Variants in NTNG2 observed in about 807,000 individuals in gnomAD.
NTNG2 encodes the protein netrin-G2.
A neutral mutation model predicts 47.6 loss-of-function variants in NTNG2; 15 were observed. The ratio of observed to expected loss-of-function variants is 0.32; its 90% CI spans 0.21 to 0.49. The LOEUF (loss-of-function observed/expected upper bound fraction) is 0.49, where lower values mean the gene tolerates loss of function less well. Among genes scored for constraint, NTNG2 ranks in the 20% least tolerant of loss-of-function variants. The probability of loss-of-function intolerance (pLI) is 0.99; values close to 1 mark genes in which losing one functional copy is unlikely to be tolerated. For synonymous variants in NTNG2, 307 were observed against 324.6 expected, an observed-to-expected ratio of 0.95 and a Z score of 0.58; for missense variants, 578 against 764.6, an observed-to-expected ratio of 0.76 and a Z score of 2.88.
chr9:132,209,296 C>T (rs889709166), intron 3 of NTNG2, among the ~76,000 whole-genome samples: 1 of 152,222 alleles, frequency 6.6e-6, no homozygotes, highest in Non-Finnish European at 1.5e-5. Context: ...GGAAGCCTGA[C>T]TTCTATTTTG....
rs1352697238 is a variant in NTNG2 at position 132,236,776 on chromosome 9, C to G, written c.1055-2328C>G. 1.3e-5 allele frequency among the ~76,000 whole-genome samples: 2 copies of G among 152,220 alleles called. No individual in the cohort carries two copies. The highest frequency in any genetic ancestry group is 2.9e-5 in the Non-Finnish European group (2 of 68,042). ...GACGATCCCGGGACAGTGGCCTGCTCACCCACAGATAGGGCGTTGGGGTCC... is the reference window on the plus strand; with the variant it reads ...GACGATCCCGGGACAGTGGCCTGCTGACCCACAGATAGGGCGTTGGGGTCC... On this transcript the variant is annotated intron_variant, in intron 5 of 7. Transcript: ENST00000393229. The surrounding 1 kb of genome is among the most constrained non-coding windows in gnomAD (Gnocchi z 4.3).
chr9:132,194,591 C>T (rs981921321), intron 2 of NTNG2, among the ~76,000 whole-genome samples: 2 of 152,244 alleles, frequency 1.3e-5, no homozygotes, highest in African/African-American at 4.8e-5. Context: ...CAGACTCCTC[C>T]TCAGAGGTGC....
At chr9:132,187,697 C>T (rs1415215518) in intron 2 of NTNG2, among the ~76,000 whole-genome samples, 1 of 152,072 alleles carries the variant, frequency 6.6e-6, no homozygotes, top group Non-Finnish European at 1.5e-5. Context: ...ATCTCCGTTT[C>T]CGCTTTGTTA....
chr9:132,169,321 G>T (rs1262049477), intron 2 of NTNG2, among the ~76,000 whole-genome samples: 3 of 152,254 alleles, frequency 2.0e-5, no homozygotes, highest in Non-Finnish European at 4.4e-5. Flanking sequence ...GTGGCAGGTG[G>T]ACGGCAGCCT....
At chr9:132,234,895 T>C (rs1438110528) in intron 5 of NTNG2, among the ~76,000 whole-genome samples, 1 of 152,262 alleles carries the variant, frequency 6.6e-6, no homozygotes, top group Non-Finnish European at 1.5e-5. Flanking sequence ...TTCCTTTTCT[T>C]TCCCCACAGC....
At chr9:132,184,703 C>T (rs1423711504) in intron 2 of NTNG2, among the ~76,000 whole-genome samples, 1 of 152,210 alleles carries the variant, frequency 6.6e-6, no homozygotes, top group East Asian at 1.9e-4. Flanking sequence ...GCGGGTGGAT[C>T]ACCTGAGGTC....
At chr9:132,202,974 G>C (rs979520781) in intron 3 of NTNG2, among the ~76,000 whole-genome samples, 1 of 152,064 alleles carries the variant, frequency 6.6e-6, no homozygotes, top group African/African-American at 2.4e-5. Flanking sequence ...GTGAGGAGTC[G>C]ATGAAATGCT....
At position 132,221,258 on chromosome 9, in the gene NTNG2, C is replaced by A. The variant is rs1840329805; in HGVS notation, c.858-5591C>A. On this transcript the variant is annotated intron_variant, in intron 3 of 7. Coordinates refer to ENST00000393229, the MANE Select transcript of NTNG2 (RefSeq NM_032536.4). The surrounding 1 kb of genome is among the most constrained non-coding windows in gnomAD (Gnocchi z 4.2). ...AGTACATTCCAGGCAGAGGGAACAGCATGTGCAAAGGCCCAGAGAAAAGCA... is the reference window on the plus strand; with the variant it reads ...AGTACATTCCAGGCAGAGGGAACAGAATGTGCAAAGGCCCAGAGAAAAGCA... 6.6e-6 allele frequency among the ~76,000 whole-genome samples: 1 copy of A among 152,184 alleles called. No homozygotes were observed. The highest frequency in any genetic ancestry group is 1.5e-5 in the Non-Finnish European group (1 of 68,038).
intron 3 of NTNG2, among the ~76,000 whole-genome samples, chr9:132,206,740 T>A (rs953640802): frequency 3.9e-5 from 6 of 152,246 alleles, no homozygotes; most frequent in African/African-American, 1.4e-4. Flanking sequence ...AGACATTTTG[T>A]TAAGTACAGT....
chr9:132,198,681 T>C, intron 3 of NTNG2, 72 bp downstream of exon 3: 1 of 1,474,576 alleles, frequency 6.8e-7, no homozygotes, highest in South Asian at 1.3e-5. Context: ...CGTTATTGGA[T>C]ACCTGGGATG....
At chr9:132,212,307 C>T (rs1023850236) in intron 3 of NTNG2, among the ~76,000 whole-genome samples, 2 of 152,306 alleles carry the variant, frequency 1.3e-5, no homozygotes, top group African/African-American at 4.8e-5. Flanking sequence ...ACCCCTAAGC[C>T]GCACACCCAA....
intron 2 of NTNG2, among the ~76,000 whole-genome samples, chr9:132,185,228 C>G (rs973647596): frequency 1.3e-5 from 2 of 152,218 alleles, no homozygotes; most frequent in Non-Finnish European, 2.9e-5. Context: ...CCCCCGACCC[C>G]CTTCCCCACC....
chr9:132,190,511 A>G (rs1837802337), intron 2 of NTNG2, among the ~76,000 whole-genome samples: 2 of 152,128 alleles, frequency 1.3e-5, no homozygotes, highest in African/African-American at 4.8e-5. Flanking sequence ...TGACCATTCC[A>G]GTGACCGCCC....
At chr9:132,222,158 A>C (rs1053433512) in intron 3 of NTNG2, among the ~76,000 whole-genome samples, 1 of 152,188 alleles carries the variant, frequency 6.6e-6, no homozygotes, top group African/African-American at 2.4e-5. Context: ...TAATCTGCTG[A>C]GATGTATTAT....
At position 132,192,245 on chromosome 9, in the gene NTNG2, T is replaced by C. The variant is rs529199318; in HGVS notation, c.214-5721T>C. Among the ~76,000 whole-genome samples, 4 of 152,160 alleles carry C rather than the reference T, an allele frequency of 2.6e-5. No individual in the cohort carries two copies. The South Asian group carries it at 6.2e-4, about 24-fold the overall frequency. ...TGACTGGGGACTGGGGTGGGGGGAC[T>C]GGGGTAAACTGGTCTTCTAATACCC... On this transcript the variant is annotated intron_variant, in intron 2 of 7. Transcript: ENST00000393229.
At position 132,236,289 on chromosome 9, in the gene NTNG2, A is replaced by C. The variant is rs1841621859; in HGVS notation, c.1055-2815A>C. On this transcript the variant is annotated intron_variant, in intron 5 of 7. Coordinates refer to ENST00000393229, the MANE Select transcript of NTNG2 (RefSeq NM_032536.4). The surrounding 1 kb of genome is among the most constrained non-coding windows in gnomAD (Gnocchi z 4.3). The stretch of plus-strand genomic sequence containing the variant: ...GACAAAGTGGAAAATGTGTGGGTTA[A>C]AGGAGGGAGGGCGGGGTCCTGGAAG... Among the ~76,000 whole-genome samples the C allele has an allele frequency of 1.3e-5, 2 of 152,308 alleles. No homozygotes were observed. Among genetic ancestry groups the C allele is most frequent in the South Asian group, 4.1e-4 (2 of 4,830 alleles).
At chr9:132,193,950 C>A (rs551273844) in intron 2 of NTNG2, among the ~76,000 whole-genome samples, 1 of 152,156 alleles carries the variant, frequency 6.6e-6, no homozygotes, top group Non-Finnish European at 1.5e-5. Flanking sequence ...TGGGCCCCAG[C>A]GTCTCATCCG....
intron 2 of NTNG2, among the ~76,000 whole-genome samples, chr9:132,184,853 C>G (rs1404956447): frequency 6.6e-6 from 1 of 152,206 alleles, no homozygotes; most frequent in Non-Finnish European, 1.5e-5. Context: ...ACCCGGGAGG[C>G]CGAGGTTGCA....
intron 3 of NTNG2, among the ~76,000 whole-genome samples, chr9:132,216,398 C>CTT (rs1564426178): frequency 4.3e-5 from 4 of 92,144 alleles, no homozygotes; most frequent in Admixed American, 1.1e-4. Context: ...CTCTCTCTCT[C>CTT]TCTCTCTCTC....
Sources: gnomAD v4.1 joint callset for allele counts (sites outside exome capture counted in the v4.1 genomes callset) on GRCh38, gnomAD v4.1.1 for gene constraint, Gnocchi (gnomAD v3.1) non-coding constraint, MANE v1.5 for transcripts, NCBI Gene and HGNC (gene_info 2026-07-23, HGNC 2026-07-21) for gene names.